The following PHC3 variants were observed in gnomAD, a reference collection of about 807,000 sequenced individuals.
The protein encoded by PHC3 is polyhomeotic-like protein 3.
Under a neutral mutation model 107.4 loss-of-function variants are expected in PHC3, and 13 were observed. The ratio of observed to expected loss-of-function variants is 0.12; its 90% CI spans 0.08 to 0.19. PHC3 has a LOEUF of 0.19. PHC3 is among the 10% of genes least tolerant of loss of function. The pLI, the probability that PHC3 is intolerant of heterozygous loss-of-function variation, is 1.00. For missense variants in PHC3, 992 were observed against 1,210.9 expected, an observed-to-expected ratio of 0.82 and a Z score of 2.68; for synonymous variants, 456 against 427.4, an observed-to-expected ratio of 1.07 and a Z score of -0.83.
intron 4 of PHC3, among the ~76,000 whole-genome samples, chr3:170,153,532 G>C (rs1392948123): frequency 6.6e-6 from 1 of 152,128 alleles, no homozygotes; most frequent in Non-Finnish European, 1.5e-5. Context: ...GGGAGGCCGA[G>C]GCGGGCGGAT....
Position 170,171,456 on chromosome 3 carries a change from A to ATAG in PHC3, c.337-9_337-7dup. The ATAG allele has an allele frequency of 6.3e-7, 1 of 1,576,338 alleles. No homozygotes were observed. Among genetic ancestry groups the ATAG allele is most frequent in the Non-Finnish European group, 8.6e-7 (1 of 1,163,336 alleles). On this transcript the variant is annotated splice_polypyrimidine_tract_variant and splice_region_variant and intron_variant, in intron 3 of 14. Transcript: ENST00000495893. Reference sequence around the variant, plus strand: ...CTTCCACTGGACAAACTTGCCTAAAATAGTAAGACTTTTAGAATATGTCGG... The same window carrying ATAG: ...CTTCCACTGGACAAACTTGCCTAAAATAGTAGTAAGACTTTTAGAATATGTCGG...
chr3:170,151,227 A>G (rs1321716068), intron 4 of PHC3, among the ~76,000 whole-genome samples: 1 of 152,140 alleles, frequency 6.6e-6, no homozygotes, highest in African/African-American at 2.4e-5. Flanking sequence ...TAGTAATAAT[A>G]ATAATAATAT....
intron 2 of PHC3, among the ~76,000 whole-genome samples, chr3:170,178,409 G>A (rs980927658): frequency 6.6e-6 from 1 of 152,138 alleles, no homozygotes; most frequent in African/African-American, 2.4e-5. Context: ...GGGATTACAG[G>A]CGTGAGCCAC....
At chr3:170,181,633 TG>T in intron 1 of PHC3, 68 bp downstream of exon 1, 1 of 1,609,504 alleles carries the variant, frequency 6.2e-7, no homozygotes, top group Non-Finnish European at 8.5e-7. Context: ...AGCTTTCCCC[TG>T]GGGGAACGTG....
chr3:170,132,425 T>C (rs1049998376), intron 7 of PHC3, among the ~76,000 whole-genome samples: 3 of 152,172 alleles, frequency 2.0e-5, no homozygotes, highest in Non-Finnish European at 2.9e-5. Flanking sequence ...GGCACAAAAT[T>C]CGTATGCTGA....
At chr3:170,159,865 C>T (rs538140876) in intron 4 of PHC3, among the ~76,000 whole-genome samples, 1 of 152,260 alleles carries the variant, frequency 6.6e-6, no homozygotes, top group East Asian at 1.9e-4. Flanking sequence ...AAAAAGTAAT[C>T]TTTGCTTTCA....
chr3:170,171,447 T>G lies in PHC3; in HGVS notation c.340A>C (p.Ser114Arg). Reference protein sequence around the residue: ...QLQSLAAVQASLSSGRPSTSP... With the variant: ...QLQSLAAVQARLSSGRPSTSP... ...GTAGATGGTCTTCCACTGGACAAACTTGCCTAAAATAGTAAGACTTTTAGA... is the reference window on the plus strand; with the variant it reads ...GTAGATGGTCTTCCACTGGACAAACGTGCCTAAAATAGTAAGACTTTTAGA... The change falls in exon 4 of 15, where the codon AGT becomes CGT. Residue 114 changes from serine to arginine, a missense_variant. Transcript: ENST00000495893. 6.3e-7 allele frequency: 1 copy of G among 1,587,746 alleles called. No homozygotes were observed. The highest frequency in any genetic ancestry group is 1.4e-5 in the African/African-American group (1 of 73,930).
chr3:170,108,757 C>T (rs1717051445), intron 11 of PHC3, among the ~76,000 whole-genome samples: 1 of 152,154 alleles, frequency 6.6e-6, no homozygotes, highest in Non-Finnish European at 1.5e-5. Context: ...CTCACTCAAC[C>T]ACCACTGCCA....
chr3:170,145,366 A>C, intron 6 of PHC3, 57 bp downstream of exon 6: 1 of 1,456,456 alleles, frequency 6.9e-7, no homozygotes, highest in Non-Finnish European at 9.5e-7. Flanking sequence ...GCAATGCTTA[A>C]CTTTAACCTG....
In PHC3 at chr3:170,122,470, G is replaced by GT. The variant is rs1720533318; in HGVS notation, c.1942+120dup. On this transcript the variant is annotated intron_variant, in intron 9 of 14. Transcript: ENST00000495893. Reference sequence around the variant, plus strand: ...AATAAAAAATCAGCCAGCTGTAATGGTGTGCACCTGTAGTTCCAGCTACAA... The same window carrying GT: ...AATAAAAAATCAGCCAGCTGTAATGGTTGTGCACCTGTAGTTCCAGCTACAA... The GT allele has an allele frequency of 6.1e-6, 6 of 978,242 alleles. No individual in the cohort carries two copies. The South Asian group carries it at 7.3e-5, about 12-fold the overall frequency. The allele number at this position is 978,242 out of a possible 1,614,324, so 60.6% of individuals were successfully genotyped here. A position where few individuals can be genotyped will look rare whatever the true frequency, so the allele number is the denominator to read the frequency against.
intron 9 of PHC3, 114 bp downstream of exon 9, chr3:170,122,477 C>T: frequency 2.8e-6 from 3 of 1,058,362 alleles, no homozygotes; most frequent in Non-Finnish European, 4.3e-6. Context: ...ATGGTGTGCA[C>T]CTGTAGTTCC....
At chr3:170,124,122 A>T (rs1235349941) in intron 8 of PHC3, among the ~76,000 whole-genome samples, 1 of 152,118 alleles carries the variant, frequency 6.6e-6, no homozygotes, top group Non-Finnish European at 1.5e-5. Context: ...TGCTGGGATT[A>T]CAGGCGTGAG....
At chr3:170,148,964 G>GCA (rs1006294315) in intron 5 of PHC3, 122 bp downstream of exon 5, 142 of 928,750 alleles carry the variant, frequency 1.5e-4, no homozygotes, top group Middle Eastern at 3.5e-4. Context: ...ACGCCCGCAT[G>GCA]CACACACACA....
chr3:170,129,109 G>C lies in PHC3; in HGVS notation c.1363C>G (p.Gln455Glu). The change falls in exon 8 of 15, where the codon CAG becomes GAG. Residue 455 changes from glutamine (Q) to glutamate (E), a missense_variant. This residue lies in a region of PHC3 where 543 missense variants were observed against 590.8 expected (regional missense o/e 0.92). Transcript: ENST00000495893. ...GPNLQQSTAN[Q>E]VQATAQLNLP... ...TTCAACTGTGCTGTAGCTTGCACCT[G>C]ATTAGCAGTGGACTGCTGCAAATTT... 6.2e-7 allele frequency: 1 copy of C among 1,613,008 alleles called. No individual in the cohort carries two copies. Among genetic ancestry groups the C allele is most frequent in the Non-Finnish European group, 8.5e-7 (1 of 1,179,390 alleles).
At chr3:170,121,211 G>C (rs1022080589) in intron 9 of PHC3, among the ~76,000 whole-genome samples, 62 of 152,160 alleles carry the variant, frequency 4.1e-4, no homozygotes, top group African/African-American at 1.3e-3. Context: ...GCATGGTGGA[G>C]AGCACCTATA....
intron 4 of PHC3, among the ~76,000 whole-genome samples, chr3:170,158,677 A>G (rs897193408): frequency 2.0e-5 from 3 of 152,072 alleles, no homozygotes; most frequent in Non-Finnish European, 4.4e-5. Context: ...CTGTAACCCC[A>G]GCACTCTGGG....
At chr3:170,114,715 T>G (rs746698181) in intron 10 of PHC3, among the ~76,000 whole-genome samples, 3 of 152,222 alleles carry the variant, frequency 2.0e-5, no homozygotes, top group South Asian at 2.1e-4. Context: ...ATATATTCAT[T>G]GATTCACTGG....
At chr3:170,138,746 A>T (rs970633887) in intron 6 of PHC3, among the ~76,000 whole-genome samples, 1 of 151,770 alleles carries the variant, frequency 6.6e-6, no homozygotes, top group Non-Finnish European at 1.5e-5. Flanking sequence ...TAGATTTCTC[A>T]GATTGCCACT....
chr3:170,169,920 A>C (rs939379874), intron 4 of PHC3: 4 of 152,150 alleles, frequency 2.6e-5, no homozygotes, highest in South Asian at 2.1e-4. Context: ...CAATGACAAA[A>C]ACTCCAGTAT....
Sources: allele counts gnomAD v4.1 joint callset (sites outside exome capture counted in the v4.1 genomes callset), GRCh38; gene constraint gnomAD v4.1.1; regional missense constraint gnomAD v4.1.1; transcripts MANE v1.5; gene names NCBI Gene and HGNC (gene_info 2026-07-23, HGNC 2026-07-21).